ITPK1: variants seen among roughly 807,000 people sequenced by gnomAD.
ITPK1 encodes inositol-tetrakisphosphate 1-kinase, also known as inositol 1,3,4-trisphosphate 5/6-kinase.
In ITPK1, 21 loss-of-function variants were observed where a neutral mutation model predicts 45.3. That is an observed-to-expected ratio of 0.46 (90% CI 0.33 to 0.67). ITPK1 has a LOEUF of 0.67. ITPK1 is among the 30% of genes least tolerant of loss of function. ITPK1 has a pLI of 0.02. For missense variants in ITPK1, 474 were observed against 573.5 expected (o/e 0.83, Z 1.77); for synonymous variants, 258 against 253.6 (o/e 1.02, Z -0.16).
intron 3 of ITPK1, among the ~76,000 whole-genome samples, chr14:93,028,870 G>C (rs566572865): frequency 6.6e-6 from 1 of 152,192 alleles, no homozygotes; most frequent in African/African-American, 2.4e-5. Context: ...CTGCCTCCTC[G>C]CAGTGGTGCC....
intron 2 of ITPK1, among the ~76,000 whole-genome samples, chr14:93,108,292 T>C (rs925033596): frequency 5.4e-4 from 83 of 152,370 alleles, no homozygotes; most frequent in African/African-American, 1.9e-3. Flanking sequence ...GGAAGTGCCA[T>C]AGTATTCTCT....
chr14:93,089,194 G>A (rs1460674052), intron 2 of ITPK1, among the ~76,000 whole-genome samples: 1 of 152,184 alleles, frequency 6.6e-6, no homozygotes, highest in Non-Finnish European at 1.5e-5. Context: ...CAAGACCTGA[G>A]GAGCAGCCCC....
intron 5 of ITPK1, among the ~76,000 whole-genome samples, chr14:92,981,161 C>T (rs1040398465): frequency 2.0e-5 from 3 of 152,150 alleles, no homozygotes; most frequent in African/African-American, 7.2e-5. Context: ...ATAATGCCTG[C>T]CCTGATGCCT....
intron 3 of ITPK1, among the ~76,000 whole-genome samples, chr14:93,073,328 A>G (rs577317586): frequency 1.3e-5 from 2 of 152,342 alleles, no homozygotes; most frequent in African/African-American, 2.4e-5. Flanking sequence ...GAAGAGGCAC[A>G]GGGGTGGCAG....
At chr14:93,068,028 T>C (rs901717145) in intron 3 of ITPK1, 2 of 153,510 alleles carry the variant, frequency 1.3e-5, no homozygotes, top group African/African-American at 2.4e-5. Context: ...AAATACTATA[T>C]TCTCCACACT....
chr14:93,036,281 C>A lies in ITPK1; in HGVS notation c.121-19480G>T, dbSNP rs1566748463. Among the ~76,000 whole-genome samples, 1 of 152,196 alleles carries A rather than the reference C, an allele frequency of 6.6e-6. No individual in the cohort carries two copies. The highest frequency in any genetic ancestry group is 2.4e-5 in the African/African-American group (1 of 41,444). ...CCTGCCCCAGGAGGTCCACATGGTG[C>A]AGTGGACTGCAATGTCTAAAGGGCA... On this transcript the variant is annotated intron_variant, in intron 3 of 10. Transcript: ENST00000267615. The surrounding 1 kb of genome is among the most constrained non-coding windows in gnomAD (Gnocchi z 4.1).
intron 5 of ITPK1, among the ~76,000 whole-genome samples, chr14:92,980,343 G>A (rs900557570): frequency 1.3e-5 from 2 of 152,182 alleles, no homozygotes; most frequent in African/African-American, 2.4e-5. Flanking sequence ...AAACTTCTCT[G>A]AAGGCTTGAG....
At chr14:92,954,909 C>A (rs1275509911) in intron 8 of ITPK1, among the ~76,000 whole-genome samples, 1 of 152,208 alleles carries the variant, frequency 6.6e-6, no homozygotes, top group Non-Finnish European at 1.5e-5. Flanking sequence ...AGGACATATT[C>A]TCTTCCCCTC....
At chr14:92,992,872 T>G (rs1330723746) in intron 5 of ITPK1, among the ~76,000 whole-genome samples, 1 of 152,256 alleles carries the variant, frequency 6.6e-6, no homozygotes, top group Non-Finnish European at 1.5e-5. Flanking sequence ...AGGCTTATCA[T>G]GCCCACTTCT....
At chr14:92,986,100 G>A (rs1886473392) in intron 5 of ITPK1, among the ~76,000 whole-genome samples, 1 of 152,184 alleles carries the variant, frequency 6.6e-6, no homozygotes, top group African/African-American at 2.4e-5. Context: ...GTGCTGAGTG[G>A]TCCTGGGTCA....
At chr14:93,039,115 T>C (rs4905041) in intron 3 of ITPK1, among the ~76,000 whole-genome samples, 4,185 of 152,070 alleles carry the variant, frequency 0.028, 97 homozygotes, top group Admixed American at 0.086. Context: ...CTCACGGGGG[T>C]GCTGCCAAAC....
intron 9 of ITPK1, among the ~76,000 whole-genome samples, chr14:92,947,923 C>T (rs1047040035): frequency 2.0e-5 from 3 of 152,180 alleles, no homozygotes; most frequent in Non-Finnish European, 2.9e-5. Flanking sequence ...CCACGCTCAC[C>T]GTGGTGTTAT....
At chr14:93,050,192 G>C (rs768046255) in intron 3 of ITPK1, among the ~76,000 whole-genome samples, 2 of 152,202 alleles carry the variant, frequency 1.3e-5, no homozygotes, top group South Asian at 2.1e-4. Context: ...TGCACTCGGT[G>C]CATTTTAAAG....
At chr14:93,007,568 T>C (rs1385568719) in intron 4 of ITPK1, among the ~76,000 whole-genome samples, 1 of 152,190 alleles carries the variant, frequency 6.6e-6, no homozygotes, top group Non-Finnish European at 1.5e-5. Context: ...GCTGCTGACC[T>C]AGGCCAACTG....
chr14:93,001,918 G>A (rs1416794810), intron 4 of ITPK1, among the ~76,000 whole-genome samples: 1 of 152,168 alleles, frequency 6.6e-6, no homozygotes, highest in African/African-American at 2.4e-5. Flanking sequence ...CTTGACGGGG[G>A]TCCTGCCAAG....
At chr14:93,018,393 C>T (rs914928109) in intron 3 of ITPK1, among the ~76,000 whole-genome samples, 10 of 152,116 alleles carry the variant, frequency 6.6e-5, no homozygotes, top group African/African-American at 1.9e-4. Flanking sequence ...GCTCTCGGGC[C>T]TGCCCACACC....
chr14:93,025,857 C>T (rs2139876989), intron 3 of ITPK1, among the ~76,000 whole-genome samples: 1 of 152,360 alleles, frequency 6.6e-6, no homozygotes, highest in Admixed American at 6.5e-5. Flanking sequence ...TGTGGTGGCT[C>T]ATGCCTGTAA....
chr14:93,071,517 A>G (rs1384205951), intron 3 of ITPK1: 3 of 152,394 alleles, frequency 2.0e-5, no homozygotes, highest in East Asian at 3.9e-4. Context: ...ATTTCTCATC[A>G]TAAGTCTAAA....
intron 5 of ITPK1, among the ~76,000 whole-genome samples, chr14:92,968,122 G>A (rs561119124): frequency 6.6e-6 from 1 of 152,290 alleles, no homozygotes; most frequent in Admixed American, 6.5e-5. Context: ...CTGAAGTCAG[G>A]AGTTTGAGAC....
Sources: gnomAD v4.1 joint callset for allele counts (sites outside exome capture counted in the v4.1 genomes callset) on GRCh38, gnomAD v4.1.1 for gene constraint, Gnocchi (gnomAD v3.1) non-coding constraint, MANE v1.5 for transcripts, NCBI Gene and HGNC (gene_info 2026-07-23, HGNC 2026-07-21) for gene names.